Variants in C14orf39 observed in about 807,000 individuals in gnomAD.
C14orf39 encodes chromosome 14 open reading frame 39, also known as protein SIX6OS1.
Under a neutral mutation model 85.6 loss-of-function variants are expected in C14orf39, and 66 were observed. The observed-to-expected ratio is 0.77, with a 90% CI of 0.63 to 0.95. C14orf39 has a LOEUF of 0.95. Ranked by LOEUF, C14orf39 falls within the 40% of genes least tolerant of loss-of-function variation. The probability of loss-of-function intolerance (pLI) is 0.00; values close to 1 mark genes in which losing one functional copy is unlikely to be tolerated. For missense variants in C14orf39, 735 were observed against 663.9 expected (o/e 1.11, Z -1.18); for synonymous variants, 242 against 214.0 (o/e 1.13, Z -1.14).
At chr14:60,458,763 A>AT (rs1434642519) in intron 13 of C14orf39, 24 bp from the exon 14 acceptor site, 4 of 1,546,006 alleles carry the variant, frequency 2.6e-6, no homozygotes, top group African/African-American at 2.8e-5. Context: ...AGAACAAACT[A>AT]TTTTTCTTTT....
At chr14:60,442,630 C>G (rs1232753740) in intron 16 of C14orf39, among the ~76,000 whole-genome samples, 2 of 152,172 alleles carry the variant, frequency 1.3e-5, no homozygotes, top group Non-Finnish European at 2.9e-5. Flanking sequence ...CATTATTCTT[C>G]TAAAATCTGA....
At chr14:60,472,615 T>C (rs376091215) in intron 5 of C14orf39, among the ~76,000 whole-genome samples, 200 of 152,226 alleles carry the variant, frequency 1.3e-3, no homozygotes, top group African/African-American at 4.3e-3. Flanking sequence ...TGTGTTCTCA[T>C]TGTTCAATTC....
upstream of C14orf39, among the ~76,000 whole-genome samples, chr14:60,490,000 C>A (rs1892961982): frequency 6.6e-6 from 1 of 152,158 alleles, no homozygotes; most frequent in Admixed American, 6.5e-5. Flanking sequence ...CTGACCTGAC[C>A]TCTGCATTAT....
chr14:60,444,030 AC>A (rs1890648020), intron 16 of C14orf39, among the ~76,000 whole-genome samples: 2 of 152,062 alleles, frequency 1.3e-5, no homozygotes, highest in African/African-American at 4.8e-5. Context: ...CCACACCAAA[AC>A]CCCATCTGTA....
intron 16 of C14orf39, among the ~76,000 whole-genome samples, chr14:60,445,168 C>A (rs1890703610): frequency 6.6e-6 from 1 of 152,098 alleles, no homozygotes; most frequent in Admixed American, 6.5e-5. Context: ...AATTAACGGG[C>A]AAAATAACCA....
intron 17 of C14orf39, among the ~76,000 whole-genome samples, chr14:60,439,590 C>A (rs1428259298): frequency 6.6e-6 from 1 of 152,122 alleles, no homozygotes. Flanking sequence ...AGAAGGAGAG[C>A]AAGTTTCATT....
At chr14:60,438,972 T>C (rs1368531047) in intron 17 of C14orf39, among the ~76,000 whole-genome samples, 1 of 152,170 alleles carries the variant, frequency 6.6e-6, no homozygotes, top group Non-Finnish European at 1.5e-5. Flanking sequence ...TAAGTTCTAG[T>C]ACGGAATTTA....
chr14:60,458,628 T>G, intron 14 of C14orf39, 50 bp downstream of exon 14: 1 of 1,343,786 alleles, frequency 7.4e-7, no homozygotes, highest in South Asian at 1.2e-5. Flanking sequence ...GACATAATAT[T>G]TTAAATTGGA....
chr14:60,502,402 A>G (rs1331932926), intron 1 of C14orf39, among the ~76,000 whole-genome samples: 1 of 152,224 alleles, frequency 6.6e-6, no homozygotes, highest in East Asian at 1.9e-4. Context: ...TAAAAAGGTA[A>G]AGAAACAGAA....
chr14:60,454,648 T>C (rs1306492319), intron 16 of C14orf39, among the ~76,000 whole-genome samples: 4 of 152,044 alleles, frequency 2.6e-5, no homozygotes, highest in Non-Finnish European at 4.4e-5. Context: ...TATACACATG[T>C]AGTTGAAAAG....
intron 1 of C14orf39, among the ~76,000 whole-genome samples, chr14:60,503,831 A>C (rs1893173841): frequency 6.6e-6 from 1 of 152,242 alleles, no homozygotes; most frequent in Non-Finnish European, 1.5e-5. Flanking sequence ...CCTAGACCCA[A>C]GATGAAATTG....
chr14:60,472,448 C>T lies in C14orf39; in HGVS notation c.324-709G>A, dbSNP rs1043727555. On this transcript the variant is annotated intron_variant, in intron 5 of 17. Transcript: ENST00000321731. ...TAAGTTTTAGGGTATATGTGCACAA[C>T]GTGCAGGTTTGTTACATATGTATAC... Among the ~76,000 whole-genome samples the T allele has an allele frequency of 6.6e-5, 10 of 152,130 alleles. No homozygotes were observed. In the East Asian group the frequency reaches 7.7e-4, roughly 12 times the overall value.
At chr14:60,445,827 G>A (rs560704755) in intron 16 of C14orf39, among the ~76,000 whole-genome samples, 3 of 152,234 alleles carry the variant, frequency 2.0e-5, no homozygotes, top group Non-Finnish European at 4.4e-5. Flanking sequence ...ACACTCCTCA[G>A]CAAATGTAAA....
chr14:60,437,829 TTAAAAAGAGTTC>T (rs1230717507), intron 17 of C14orf39, among the ~76,000 whole-genome samples: 1 of 152,020 alleles, frequency 6.6e-6, no homozygotes, highest in Non-Finnish European at 1.5e-5. Flanking sequence ...TGACAGAACA[TTAAAAAGAGTTC>T]TAAAAGGAAT....
intron 1 of C14orf39, chr14:60,511,170 C>T (rs999129819): frequency 3.1e-6 from 5 of 1,611,820 alleles, no homozygotes; most frequent in Middle Eastern, 3.3e-4. Context: ...GGCGTCGCCA[C>T]CAGCCCGGCC....
In C14orf39 at chr14:60,491,433, G is replaced by A. The variant is rs2140174921; in HGVS notation, c.-8-6347C>T. On this transcript the variant is annotated intron_variant, in intron 2 of 5. Transcript: ENST00000556799. This position sits in a 1 kb window ranked among gnomAD's most constrained non-coding sequence, Gnocchi z 4.5. ...TAGGGATTAAGTTTCAACATGAATT[G>A]TGGAGGGACACAAACATTCAAACCA... Among the ~76,000 whole-genome samples, 1 of 152,254 alleles carries A rather than the reference G, an allele frequency of 6.6e-6. No individual in the cohort carries two copies. Among genetic ancestry groups the A allele is most frequent in the South Asian group, 2.1e-4 (1 of 4,814 alleles).
At position 60,460,148 on chromosome 14, in the gene C14orf39, T is replaced by C. The variant is rs188029857; in HGVS notation, c.1117+1206A>G. Among the ~76,000 whole-genome samples the C allele has an allele frequency of 5.3e-5, 8 of 151,244 alleles. No homozygotes were observed. In the East Asian group the frequency reaches 9.7e-4, roughly 18 times the overall value. On this transcript the variant is annotated intron_variant, in intron 13 of 17. Coordinates refer to ENST00000321731, the MANE Select transcript of C14orf39 (RefSeq NM_174978.3). ...CTTCAAAAGCTGGGTTTGAAAATTATTGAAAAAAATTTTAAGTTCCAAAAT... is the reference window on the plus strand; with the variant it reads ...CTTCAAAAGCTGGGTTTGAAAATTACTGAAAAAAATTTTAAGTTCCAAAAT...
chr14:60,480,368 G>C (rs559230164), intron 4 of C14orf39, among the ~76,000 whole-genome samples: 8 of 152,256 alleles, frequency 5.3e-5, no homozygotes, highest in Admixed American at 1.3e-4. Flanking sequence ...GGAGGAGGTC[G>C]CAGTGAGTGA....
intron 11 of C14orf39, 74 bp downstream of exon 11, chr14:60,465,905 A>G (rs1891762786): frequency 6.0e-6 from 4 of 663,624 alleles, no homozygotes; most frequent in Admixed American, 3.2e-5. Context: ...TCTGTGTCTT[A>G]AGGGCAGTAC....
Sources: gnomAD v4.1 joint callset for allele counts (sites outside exome capture counted in the v4.1 genomes callset) on GRCh38, gnomAD v4.1.1 for gene constraint, Gnocchi (gnomAD v3.1) non-coding constraint, MANE v1.5 for transcripts, NCBI Gene and HGNC (gene_info 2026-07-23, HGNC 2026-07-21) for gene names.